The following AHDC1 variants were observed in gnomAD, a reference collection of about 807,000 sequenced individuals.
AHDC1 encodes the protein transcription factor Gibbin.
A neutral mutation model predicts 87.9 loss-of-function variants in AHDC1; 7 were observed. That is an observed-to-expected ratio of 0.08 (90% CI 0.05 to 0.15). The LOEUF is 0.15. Ranked by LOEUF, AHDC1 falls within the 10% of genes least tolerant of loss-of-function variation. The pLI, the probability that AHDC1 is intolerant of heterozygous loss-of-function variation, is 1.00. For synonymous variants in AHDC1, 1,051 were observed against 1,006.8 expected (o/e 1.04, Z -0.83); for missense variants, 1,841 against 2,253.2 (o/e 0.82, Z 3.70).
In AHDC1 at chr1:27,560,870, C is replaced by T. The variant is rs2020046680; in HGVS notation, c.-628-1987G>A. 6.6e-6 allele frequency among the ~76,000 whole-genome samples: 1 copy of T among 151,972 alleles called. No homozygotes were observed. The highest frequency in any genetic ancestry group is 2.4e-5 in the African/African-American group (1 of 41,350). On this transcript the variant is annotated intron_variant, in intron 3 of 8. Coordinates refer to ENST00000673934, the MANE Select transcript of AHDC1 (RefSeq NM_001371928.1). This position sits in a 1 kb window ranked among gnomAD's most constrained non-coding sequence, Gnocchi z 4.1. ...CAGTGTGTGAGTGCGTGTGTGCATG[C>T]ATGTGAGATACCCTTTGTGAGACGG...
At chr1:27,540,469 G>C (rs2018854506) in intron 8 of AHDC1, among the ~76,000 whole-genome samples, 1 of 152,062 alleles carries the variant, frequency 6.6e-6, no homozygotes, top group African/African-American at 2.4e-5. Flanking sequence ...GGGGAGGACG[G>C]TGCCCAGAGA....
chr1:27,601,849 T>C (rs2089536093), intron 3 of AHDC1, among the ~76,000 whole-genome samples: 1 of 152,100 alleles, frequency 6.6e-6, no homozygotes, highest in Admixed American at 6.5e-5. Context: ...CCCGGGCACA[T>C]GCCCCCGCCC....
At chr1:27,564,628 T>G (rs2020240214) in intron 3 of AHDC1, among the ~76,000 whole-genome samples, 1 of 152,188 alleles carries the variant, frequency 6.6e-6, no homozygotes, top group Admixed American at 6.5e-5. Context: ...AGCTGTTTCT[T>G]TAAGACTGCT....
intron 3 of AHDC1, among the ~76,000 whole-genome samples, chr1:27,575,173 C>G (rs1179463324): frequency 6.6e-6 from 1 of 152,134 alleles, no homozygotes; most frequent in East Asian, 1.9e-4. Flanking sequence ...TCCGAGTTTT[C>G]CCGCCGCCGC....
chr1:27,585,902 C>G (rs1420050181), intron 3 of AHDC1, among the ~76,000 whole-genome samples: 1 of 152,220 alleles, frequency 6.6e-6, no homozygotes, highest in Non-Finnish European at 1.5e-5. Flanking sequence ...CCTCAGCCAT[C>G]TCCTCTATAC....
intron 3 of AHDC1, among the ~76,000 whole-genome samples, chr1:27,601,906 C>T (rs774353806): frequency 6.6e-6 from 1 of 152,198 alleles, no homozygotes; most frequent in African/African-American, 2.4e-5. Context: ...CACCCTGACC[C>T]GGAGGCAAAG....
intron 1 of AHDC1, 37 bp from the exon 2 acceptor site, chr1:27,603,900 G>T (rs2089613022): frequency 6.6e-6 from 1 of 152,398 alleles, no homozygotes; most frequent in Non-Finnish European, 1.5e-5. Context: ...GAAAGCAGAC[G>T]CTGGCTTTGG....
Position 27,562,425 on chromosome 1 carries a change from G to A in AHDC1, c.-628-3542C>T, listed in dbSNP as rs549473547. 1.8e-4 allele frequency among the ~76,000 whole-genome samples: 28 copies of A among 152,216 alleles called. No individual in the cohort carries two copies. In the South Asian group the frequency reaches 5.6e-3, roughly 30 times the overall value. ...CTTAATTAGTTTAACAGTTTCAGGG[G>A]CAGGAGAGGCAGGAAATAGGGTCCC... On this transcript the variant is annotated intron_variant, in intron 3 of 8. Coordinates refer to ENST00000673934, the MANE Select transcript of AHDC1 (RefSeq NM_001371928.1). This position sits in a 1 kb window ranked among gnomAD's most constrained non-coding sequence, Gnocchi z 4.4.
chr1:27,580,079 C>G (rs1002538764), intron 3 of AHDC1, among the ~76,000 whole-genome samples: 1 of 152,192 alleles, frequency 6.6e-6, no homozygotes, highest in South Asian at 2.1e-4. Flanking sequence ...CTTCTTAACT[C>G]CCCTAGAGAG....
chr1:27,545,692 G>A (rs1237964595), intron 8 of AHDC1, among the ~76,000 whole-genome samples: 3 of 151,854 alleles, frequency 2.0e-5, no homozygotes, highest in African/African-American at 7.3e-5. Flanking sequence ...CATGGGGAAT[G>A]GAAGGCCATT....
chr1:27,575,972 G>C (rs1300996329), intron 3 of AHDC1, among the ~76,000 whole-genome samples: 7 of 152,100 alleles, frequency 4.6e-5, no homozygotes, highest in Non-Finnish European at 1.0e-4. Flanking sequence ...CCCCGGCCCG[G>C]GGACTGGAGG....
At position 27,547,384 on chromosome 1, in the gene AHDC1, C is replaced by T. The variant is rs141730488; in HGVS notation, c.4732G>A (p.Gly1578Ser). ...GFMPQAHPGL[G>S]GGPKSGFLGP... ...AGGAAGCCGCTCTTGGGGCCCCCAC[C>T]CAGGCCAGGATGCGCCTGGGGCATA... The change falls in exon 8 of 9, where the codon GGT (glycine) becomes AGT (serine). Residue 1578 changes from glycine (G) to serine (S), a missense_variant. Physicochemically the swap from Gly to Ser is moderately conservative, Grantham distance 56. Around this residue, in one of 13 missense-constraint regions of AHDC1, gnomAD observed 505 missense variants for 626.2 expected, o/e 0.81. Coordinates refer to ENST00000673934, the MANE Select transcript of AHDC1 (RefSeq NM_001371928.1). The surrounding 1 kb of genome is among the most constrained non-coding windows in gnomAD (Gnocchi z 4.9). The T allele has an allele frequency of 1.3e-5, 20 of 1,558,388 alleles. No homozygotes were observed. In the African/African-American group the frequency reaches 2.1e-4, roughly 16 times the overall value.
At chr1:27,589,296 T>G (rs1344190968) in intron 3 of AHDC1, among the ~76,000 whole-genome samples, 1 of 152,206 alleles carries the variant, frequency 6.6e-6, no homozygotes, top group Non-Finnish European at 1.5e-5. Context: ...TTTGTCTGTG[T>G]CCGGGTGTGC....
intron 8 of AHDC1, among the ~76,000 whole-genome samples, chr1:27,544,703 TG>T (rs576471617): frequency 6.6e-6 from 1 of 152,312 alleles, no homozygotes; most frequent in African/African-American, 2.4e-5. Flanking sequence ...CCCCTGGCAC[TG>T]GGGGGTTGCC....
intron 3 of AHDC1, among the ~76,000 whole-genome samples, chr1:27,570,702 G>A (rs2020528123): frequency 6.6e-6 from 1 of 152,160 alleles, no homozygotes; most frequent in Non-Finnish European, 1.5e-5. Flanking sequence ...ACAGGCATGT[G>A]CACCACTGGA....
intron 3 of AHDC1, among the ~76,000 whole-genome samples, chr1:27,592,800 A>ATGTGGG (rs2089263408): frequency 6.6e-6 from 1 of 152,148 alleles, no homozygotes; most frequent in African/African-American, 2.4e-5. Flanking sequence ...GCTGCCGGTT[A>ATGTGGG]ACCTGTGAGG....
intron 3 of AHDC1, among the ~76,000 whole-genome samples, chr1:27,588,571 G>T (rs115875808): frequency 6.6e-6 from 1 of 152,144 alleles, no homozygotes; most frequent in Non-Finnish European, 1.5e-5. Flanking sequence ...AACAAATACC[G>T]TCAGGGCTAA....
In AHDC1 at chr1:27,549,566, G is replaced by C. The variant is rs567903228; in HGVS notation, c.2550C>G (p.Ser850=). Residue 850 remains serine, a synonymous_variant, in exon 8 of 9, where the codon TCC becomes TCG. Coordinates refer to ENST00000673934, the MANE Select transcript of AHDC1 (RefSeq NM_001371928.1). ...FRSLLDSDDS[S]DLLDFALSAS... Reference sequence around the variant, plus strand: ...CTGAGAGGGCAAAGTCCAAGAGATCGGAGGAGTCATCCGAATCGAGCAGCG... The same window carrying C: ...CTGAGAGGGCAAAGTCCAAGAGATCCGAGGAGTCATCCGAATCGAGCAGCG... 6.2e-7 allele frequency: 1 copy of C among 1,613,084 alleles called. No individual in the cohort carries two copies. Among genetic ancestry groups the C allele is most frequent in the Non-Finnish European group, 8.5e-7 (1 of 1,180,018 alleles).
rs2089288133 is a variant in AHDC1, at chr1:27,593,618, T to C, written c.-629+9779A>G. Among the ~76,000 whole-genome samples, 1 of 152,224 alleles carries C rather than the reference T, an allele frequency of 6.6e-6. No homozygotes were observed. The highest frequency in any genetic ancestry group is 2.1e-4 in the South Asian group (1 of 4,834). On this transcript the variant is annotated intron_variant, in intron 3 of 8. Coordinates refer to ENST00000673934, the MANE Select transcript of AHDC1 (RefSeq NM_001371928.1). The surrounding 1 kb of genome is among the most constrained non-coding windows in gnomAD (Gnocchi z 4.9). ...GTGCCAGGGCGGATGGGCACATATG[T>C]GCAAACACCCCCGGTGGGTCTTGGC...
Sources: allele counts gnomAD v4.1 joint callset (sites outside exome capture counted in the v4.1 genomes callset), GRCh38; gene constraint gnomAD v4.1.1; regional missense constraint gnomAD v4.1.1; non-coding constraint Gnocchi (gnomAD v3.1); transcripts MANE v1.5; gene names NCBI Gene and HGNC (gene_info 2026-07-23, HGNC 2026-07-21).